The following FBXO10 variants were observed in gnomAD, a reference collection of about 807,000 sequenced individuals.
FBXO10 encodes the protein F-box protein 10, also known as F-box only protein 10.
Under a neutral mutation model 80.7 loss-of-function variants are expected in FBXO10, and 39 were observed. That is an observed-to-expected ratio of 0.48 (90% CI 0.37 to 0.63). The LOEUF (loss-of-function observed/expected upper bound fraction) is 0.63. Ranked by LOEUF, FBXO10 falls within the 30% of genes least tolerant of loss-of-function variation. The pLI is 0.00. For missense variants in FBXO10, 1,025 were observed against 1,269.0 expected (o/e 0.81, Z 2.92); for synonymous variants, 449 against 489.6 (o/e 0.92, Z 1.09).
chr9:37,550,072 C>T (rs116683340), intron 1 of FBXO10, among the ~76,000 whole-genome samples: 2,200 of 151,450 alleles, frequency 0.015, 62 homozygotes, highest in African/African-American at 0.051. Context: ...TAATTCTATT[C>T]ATCCACTATT....
intron 1 of FBXO10, among the ~76,000 whole-genome samples, chr9:37,558,359 C>T (rs963882897): frequency 3.3e-5 from 5 of 152,168 alleles, no homozygotes; most frequent in Non-Finnish European, 7.3e-5. Context: ...ATTGCAACCA[C>T]CAACCCTCAT....
rs374522028 is a variant in FBXO10 at position 37,523,921 on chromosome 9, C to CA, written c.1778-945dup. Among the ~76,000 whole-genome samples the CA allele has an allele frequency of 1.3e-3, 197 of 151,924 alleles. 1 individual carries two copies. Among genetic ancestry groups the CA allele is most frequent in the African/African-American group, 4.0e-3 (165 of 41,458 alleles). On this transcript the variant is annotated intron_variant, in intron 6 of 10. Coordinates refer to ENST00000432825, the MANE Select transcript of FBXO10 (RefSeq NM_012166.3). The stretch of plus-strand genomic sequence containing the variant: ...AACAAGAGTGAGTGAAATTCCGTCT[C>CA]AAAAAAAATAAATAAATAAACTGGC...
At chr9:37,529,048 G>T in intron 5 of FBXO10, 76 bp downstream of exon 5, 1 of 1,577,522 alleles carries the variant, frequency 6.3e-7, no homozygotes, top group Non-Finnish European at 8.7e-7. Flanking sequence ...AGTTGTTTCC[G>T]TAAAGAGTGT....
intron 1 of FBXO10, among the ~76,000 whole-genome samples, chr9:37,553,189 G>A (rs1013347478): frequency 2.0e-5 from 3 of 151,966 alleles, no homozygotes; most frequent in African/African-American, 7.2e-5. Flanking sequence ...CTACAGGCAC[G>A]CGCCACCATG....
intron 3 of FBXO10, among the ~76,000 whole-genome samples, chr9:37,535,178 C>T (rs1564341226): frequency 6.6e-6 from 1 of 152,078 alleles, no homozygotes. Context: ...TTCAAACGGG[C>T]TCAGCTCCTA....
In FBXO10 at chr9:37,522,918, C is replaced by T. The variant is rs374133948; in HGVS notation, c.1837G>A (p.Val613Ile). The change falls in exon 7 of 11, where the codon GTT (valine) becomes ATT (isoleucine). Residue 613 changes from valine to isoleucine, a missense_variant. Coordinates refer to ENST00000432825, the MANE Select transcript of FBXO10 (RefSeq NM_012166.3). ...AAGCAGATGAGGTTACTCCTGAGAA[C>T]GGGGATCCCTCCACGGCGGATGTCC... ...GVDIRRGGIPVLRSNLICFGY... is the reference protein window; with the variant it reads ...GVDIRRGGIPILRSNLICFGY... 1.6e-5 allele frequency: 25 copies of T among 1,584,474 alleles called. No individual in the cohort carries two copies. The highest frequency in any genetic ancestry group is 4.6e-5 in the East Asian group (2 of 43,178).
intron 3 of FBXO10, among the ~76,000 whole-genome samples, chr9:37,532,881 A>G (rs1821665091): frequency 6.6e-6 from 1 of 152,330 alleles, no homozygotes; most frequent in African/African-American, 2.4e-5. Flanking sequence ...ATGCACCTTC[A>G]CTAAAATCCA....
In FBXO10 at chr9:37,537,949, G is replaced by C; in HGVS notation, c.586-6C>G. 1 of 1,562,394 alleles carries C rather than the reference G, an allele frequency of 6.4e-7. No individual in the cohort carries two copies. The highest frequency in any genetic ancestry group is 1.4e-5 in the African/African-American group (1 of 73,206). On this transcript the variant is annotated splice_polypyrimidine_tract_variant and splice_region_variant and intron_variant, in intron 2 of 10. Coordinates refer to ENST00000432825, the MANE Select transcript of FBXO10 (RefSeq NM_012166.3). Reference sequence around the variant, plus strand: ...TGGACGTGACCTGATGTTGTCTGGGGAATGAAAAGAAGAAAACGGCTGTAA... The same window carrying C: ...TGGACGTGACCTGATGTTGTCTGGGCAATGAAAAGAAGAAAACGGCTGTAA...
chr9:37,552,691 C>CAAAAAA (rs779389401), intron 1 of FBXO10, among the ~76,000 whole-genome samples: 17 of 95,254 alleles, frequency 1.8e-4, no homozygotes, highest in Non-Finnish European at 2.8e-4. Flanking sequence ...GACTCCATAT[C>CAAAAAA]AAAAAAAAAA....
intron 1 of FBXO10, among the ~76,000 whole-genome samples, chr9:37,543,014 C>T (rs1430350402): frequency 3.5e-5 from 5 of 142,374 alleles, no homozygotes; most frequent in Non-Finnish European, 5.9e-5. Context: ...CAGTGACTGT[C>T]CATCTGTCTG....
At position 37,541,772 on chromosome 9, in the gene FBXO10, C is replaced by A; in HGVS notation, c.-4G>T. ...AGGGGAGGCCACCAGCCTCCATGGT[C>A]ACCTAGGAGACAGACACAAAACAAA... On this transcript the variant is annotated splice_region_variant and 5_prime_UTR_variant, in exon 2 of 11. Coordinates refer to ENST00000432825, the MANE Select transcript of FBXO10 (RefSeq NM_012166.3). 3 of 1,586,214 alleles carry A rather than the reference C, an allele frequency of 1.9e-6. No individual in the cohort carries two copies. Among genetic ancestry groups the A allele is most frequent in the South Asian group, 1.1e-5 (1 of 88,254 alleles).
At chr9:37,548,971 A>G (rs1356560842) in intron 1 of FBXO10, among the ~76,000 whole-genome samples, 1 of 152,052 alleles carries the variant, frequency 6.6e-6, no homozygotes, top group Non-Finnish European at 1.5e-5. Context: ...GATGGTCTCA[A>G]TCTCCTGACC....
intron 9 of FBXO10, among the ~76,000 whole-genome samples, chr9:37,517,319 T>C (rs1419844539): frequency 3.3e-5 from 5 of 151,924 alleles, no homozygotes; most frequent in African/African-American, 1.2e-4. Context: ...AAAGAACTTA[T>C]CCATATAACC....
chr9:37,542,596 C>CAAAAAA (rs34458549), intron 1 of FBXO10, among the ~76,000 whole-genome samples: 22 of 126,186 alleles, frequency 1.7e-4, no homozygotes, highest in African/African-American at 6.5e-4. Context: ...ATCTCCATCT[C>CAAAAAA]AAAAAAAAAA....
At chr9:37,533,214 T>C (rs963445266) in intron 3 of FBXO10, among the ~76,000 whole-genome samples, 1 of 152,196 alleles carries the variant, frequency 6.6e-6, no homozygotes, top group African/African-American at 2.4e-5. Context: ...CAACCAACTG[T>C]GGATTGAATA....
chr9:37,574,593 C>T (rs1459523863), intron 1 of FBXO10, among the ~76,000 whole-genome samples: 1 of 152,168 alleles, frequency 6.6e-6, no homozygotes, highest in Admixed American at 6.5e-5. Flanking sequence ...TCCAGTCTCT[C>T]AAATCTCACC....
rs528019554 is a variant in FBXO10 at position 37,564,366 on chromosome 9, C to T, written c.-7+11845G>A. 7.9e-5 allele frequency among the ~76,000 whole-genome samples: 12 copies of T among 152,228 alleles called. No individual in the cohort carries two copies. The South Asian group carries it at 2.3e-3, about 29-fold the overall frequency. Reference sequence around the variant, plus strand: ...AAGGGAAATGTGGGGTCGGGGCCCCCACACAGAGTCTCCACGGGGGCACTG... The same window carrying T: ...AAGGGAAATGTGGGGTCGGGGCCCCTACACAGAGTCTCCACGGGGGCACTG... On this transcript the variant is annotated intron_variant, in intron 1 of 10. Coordinates refer to ENST00000432825, the MANE Select transcript of FBXO10 (RefSeq NM_012166.3).
At chr9:37,542,225 T>C (rs1053570381) in intron 1 of FBXO10, among the ~76,000 whole-genome samples, 17 of 152,288 alleles carry the variant, frequency 1.1e-4, no homozygotes, top group African/African-American at 4.1e-4. Flanking sequence ...ATCCTTTCAA[T>C]GTGAATCCTA....
In FBXO10 at chr9:37,552,530, A is replaced by G. The variant is rs533426125; in HGVS notation, c.-6-10756T>C. 4.6e-5 allele frequency among the ~76,000 whole-genome samples: 7 copies of G among 152,100 alleles called. 1 individual carries two copies. The highest frequency in any genetic ancestry group is 1.7e-4 in the African/African-American group (7 of 41,504). On this transcript the variant is annotated intron_variant, in intron 1 of 10. Coordinates refer to ENST00000432825, the MANE Select transcript of FBXO10 (RefSeq NM_012166.3). ...AACCCCGTCTCTACTGAAAACACAC[A>G]CACGCACAAAAATTAGCCGGGCATG...
Sources: allele counts gnomAD v4.1 joint callset (sites outside exome capture counted in the v4.1 genomes callset), GRCh38; gene constraint gnomAD v4.1.1; transcripts MANE v1.5; gene names NCBI Gene and HGNC (gene_info 2026-07-23, HGNC 2026-07-21).